KCNK13: variants seen among roughly 807,000 people sequenced by gnomAD.
KCNK13 encodes potassium two pore domain channel subfamily K member 13, also known as potassium channel subfamily K member 13.
A neutral mutation model predicts 23.4 loss-of-function variants in KCNK13; 12 were observed. That is an observed-to-expected ratio of 0.51 (90% CI 0.33 to 0.83). The LOEUF is 0.83. Among genes scored for constraint, KCNK13 ranks in the 40% least tolerant of loss-of-function variants. KCNK13 has a pLI of 0.02. For missense variants in KCNK13, 463 were observed against 556.3 expected (o/e 0.83, Z 1.69); for synonymous variants, 231 against 229.5 (o/e 1.01, Z -0.06).
intron 1 of KCNK13, among the ~76,000 whole-genome samples, chr14:90,150,056 A>G (rs1302865949): frequency 1.3e-5 from 2 of 152,164 alleles, no homozygotes; most frequent in Non-Finnish European, 2.9e-5. Context: ...GCTCACATAA[A>G]GATACATAAG....
chr14:90,135,553 T>C (rs552533317), intron 1 of KCNK13, among the ~76,000 whole-genome samples: 20 of 152,340 alleles, frequency 1.3e-4, no homozygotes, highest in African/African-American at 4.8e-4. Context: ...CCTCGCCATA[T>C]GGCAGATGAT....
intron 1 of KCNK13, among the ~76,000 whole-genome samples, chr14:90,144,010 C>G (rs747253540): frequency 2.0e-5 from 3 of 152,224 alleles, no homozygotes; most frequent in Non-Finnish European, 4.4e-5. Flanking sequence ...TTAACAGTCT[C>G]TAACATTGTT....
Position 90,062,072 on chromosome 14 carries a change from C to T in KCNK13, c.-134C>T, listed in dbSNP as rs1206528239. ...CCTCGCGGCCTGCGGGAGAGCCCGGCGGTCATGGGCGAGCCGGCGGTGGGG... is the reference window on the plus strand; with the variant it reads ...CCTCGCGGCCTGCGGGAGAGCCCGGTGGTCATGGGCGAGCCGGCGGTGGGG... On this transcript the variant is annotated 5_prime_UTR_variant, in exon 1 of 2. Coordinates refer to ENST00000282146, the MANE Select transcript of KCNK13 (RefSeq NM_022054.4). The surrounding 1 kb of genome is among the most constrained non-coding windows in gnomAD (Gnocchi z 4.5). 7.8e-6 allele frequency: 4 copies of T among 512,440 alleles called. No homozygotes were observed. The East Asian group carries it at 1.4e-4, about 19-fold the overall frequency. The allele number at this position is 512,440 out of a possible 1,614,324, so 31.7% of individuals were successfully genotyped here. A position where few individuals can be genotyped will look rare whatever the true frequency, so the allele number is the denominator to read the frequency against.
chr14:90,149,226 C>T (rs1890107731), intron 1 of KCNK13, among the ~76,000 whole-genome samples: 1 of 152,064 alleles, frequency 6.6e-6, no homozygotes, highest in South Asian at 2.1e-4. Context: ...CATGGTGGTG[C>T]ATGCCTGTAG....
intron 1 of KCNK13, among the ~76,000 whole-genome samples, chr14:90,101,902 A>T (rs28620628): frequency 0.13 from 19,346 of 148,396 alleles, 1,503 homozygotes; most frequent in East Asian, 0.27. Context: ...TTTTTTTTTT[A>T]AACGGAGTTT....
intron 1 of KCNK13, among the ~76,000 whole-genome samples, chr14:90,083,218 A>G (rs1433319352): frequency 1.3e-5 from 2 of 152,142 alleles, no homozygotes; most frequent in African/African-American, 4.8e-5. Context: ...GTGTCTTTTC[A>G]CTATCTTCTT....
At position 90,062,002 on chromosome 14, in the gene KCNK13, G is replaced by A. The variant is rs904973888; in HGVS notation, c.-204G>A. On this transcript the variant is annotated 5_prime_UTR_variant, in exon 1 of 2. Coordinates refer to ENST00000282146, the MANE Select transcript of KCNK13 (RefSeq NM_022054.4). This position sits in a 1 kb window ranked among gnomAD's most constrained non-coding sequence, Gnocchi z 4.5. ...TGAAACTAGGAGTCAAGGAGGACGT[G>A]GGGAGCTGGCGCCACAGGAGCTACC... 1 of 393,186 alleles carries A rather than the reference G, an allele frequency of 2.5e-6. No individual in the cohort carries two copies. Among genetic ancestry groups the A allele is most frequent in the Non-Finnish European group, 4.5e-6 (1 of 224,620 alleles). The allele number at this position is 393,186 out of a possible 1,614,324, so 24.4% of individuals were successfully genotyped here. A position where few individuals can be genotyped will look rare whatever the true frequency, so the allele number is the denominator to read the frequency against.
At chr14:90,107,917 C>A in intron 1 of KCNK13, 1 of 755,308 alleles carries the variant, frequency 1.3e-6, no homozygotes, top group Non-Finnish European at 2.5e-6. Context: ...ATTGTATAGG[C>A]AGATGCAGTG....
intron 1 of KCNK13, among the ~76,000 whole-genome samples, chr14:90,151,044 C>T (rs1890129198): frequency 6.6e-6 from 1 of 152,146 alleles, no homozygotes; most frequent in Non-Finnish European, 1.5e-5. Flanking sequence ...TATGATGTGC[C>T]TGCTTCCCCT....
intron 1 of KCNK13, among the ~76,000 whole-genome samples, chr14:90,107,405 G>A (rs2140410136): frequency 1.3e-5 from 2 of 152,280 alleles, no homozygotes; most frequent in South Asian, 4.2e-4. Context: ...GTGAACCTGG[G>A]AGGCAGAACT....
chr14:90,168,776 G>C (rs1890332917), intron 1 of KCNK13, among the ~76,000 whole-genome samples: 1 of 152,184 alleles, frequency 6.6e-6, no homozygotes, highest in South Asian at 2.1e-4. Context: ...TCACTGACAT[G>C]GTTTGTCTGT....
intron 1 of KCNK13, among the ~76,000 whole-genome samples, chr14:90,093,982 C>T (rs1489803072): frequency 6.6e-6 from 1 of 152,040 alleles, no homozygotes; most frequent in Non-Finnish European, 1.5e-5. Flanking sequence ...TGCCATTTTC[C>T]ACCTCTGGCC....
chr14:90,111,605 T>C (rs3897913), intron 1 of KCNK13, among the ~76,000 whole-genome samples: 2,162 of 152,172 alleles, frequency 0.014, 65 homozygotes, highest in African/African-American at 0.05. Flanking sequence ...AGCAGAAAGA[T>C]GTTGACCTGC....
chr14:90,088,763 G>A (rs1280111169), intron 1 of KCNK13, among the ~76,000 whole-genome samples: 4 of 152,148 alleles, frequency 2.6e-5, no homozygotes, highest in Admixed American at 1.3e-4. Context: ...CAATTCCCAC[G>A]TGTCATGGGA....
At chr14:90,130,748 A>G (rs1889858836) in intron 1 of KCNK13, among the ~76,000 whole-genome samples, 1 of 152,036 alleles carries the variant, frequency 6.6e-6, no homozygotes, top group Non-Finnish European at 1.5e-5. Flanking sequence ...CGGGAAACAG[A>G]GGTTGTGGTG....
chr14:90,120,628 G>A (rs1364199942), intron 1 of KCNK13, among the ~76,000 whole-genome samples: 2 of 152,190 alleles, frequency 1.3e-5, no homozygotes, highest in Non-Finnish European at 2.9e-5. Context: ...GGGGGCAACT[G>A]CCCCGCATGA....
chr14:90,083,944 A>G (rs923982778), intron 1 of KCNK13, among the ~76,000 whole-genome samples: 1 of 152,174 alleles, frequency 6.6e-6, no homozygotes, highest in African/African-American at 2.4e-5. Context: ...TCTTAGCCCC[A>G]TTTAATTGTT....
intron 1 of KCNK13, among the ~76,000 whole-genome samples, chr14:90,125,799 G>A (rs931240715): frequency 6.6e-6 from 1 of 152,092 alleles, no homozygotes; most frequent in Admixed American, 6.5e-5. Flanking sequence ...GAGGCAAGTG[G>A]ATGGCTTGAG....
At chr14:90,064,753 T>C (rs544015992) in intron 1 of KCNK13, among the ~76,000 whole-genome samples, 1 of 152,346 alleles carries the variant, frequency 6.6e-6, no homozygotes, top group East Asian at 1.9e-4. Context: ...GTAAAAAACA[T>C]GATGTCAGTG....
Sources: allele counts gnomAD v4.1 joint callset (sites outside exome capture counted in the v4.1 genomes callset), GRCh38; gene constraint gnomAD v4.1.1; non-coding constraint Gnocchi (gnomAD v3.1); transcripts MANE v1.5; gene names NCBI Gene and HGNC (gene_info 2026-07-23, HGNC 2026-07-21).